The following ZMAT4 variants were observed in gnomAD, a reference collection of about 807,000 sequenced individuals.
ZMAT4 encodes zinc finger matrin-type 4, also known as zinc finger matrin-type protein 4.
Under a neutral mutation model 28.7 loss-of-function variants are expected in ZMAT4, and 17 were observed. That is an observed-to-expected ratio of 0.59 (90% confidence interval 0.41 to 0.89). The LOEUF is 0.89. Among genes scored for constraint, ZMAT4 ranks in the 40% least tolerant of loss-of-function variants. The pLI, the probability that ZMAT4 is intolerant of heterozygous loss-of-function variation, is 0.00. For missense variants in ZMAT4, 240 were observed against 283.8 expected (o/e 0.85, Z 1.11); for synonymous variants, 117 against 109.2 (o/e 1.07, Z -0.44).
intron 4 of ZMAT4, among the ~76,000 whole-genome samples, chr8:40,686,057 G>A (rs1376276560): frequency 6.6e-6 from 1 of 152,176 alleles, no homozygotes. Flanking sequence ...ATATAGTCAT[G>A]TTTCATTCAT....
chr8:40,837,967 T>C (rs1816558482), intron 1 of ZMAT4, among the ~76,000 whole-genome samples: 1 of 152,240 alleles, frequency 6.6e-6, no homozygotes, highest in Admixed American at 6.5e-5. Context: ...TTGCAGAATC[T>C]GCTTTGCCAT....
At chr8:40,763,654 T>C (rs1331368642) in intron 3 of ZMAT4, among the ~76,000 whole-genome samples, 2 of 152,228 alleles carry the variant, frequency 1.3e-5, no homozygotes, top group Non-Finnish European at 2.9e-5. Flanking sequence ...ATCTCAGGTC[T>C]GACCACTTTG....
intron 4 of ZMAT4, among the ~76,000 whole-genome samples, chr8:40,688,545 A>G (rs1257251137): frequency 6.6e-6 from 1 of 152,178 alleles, no homozygotes; most frequent in Non-Finnish European, 1.5e-5. Context: ...TGGTACCTCA[A>G]GATGGCCAAA....
At chr8:40,601,563 GAAGAAAGAAAGAAAGAAAGAAAGA>G (rs1339134333) in intron 5 of ZMAT4, among the ~76,000 whole-genome samples, 9 of 118,594 alleles carry the variant, frequency 7.6e-5, no homozygotes, top group African/African-American at 3.0e-4. Context: ...AAGAAAGAAA[GAAGAAAGAAAGAAAGAAAGAAAGA>G]AAGAAAGAAA....
intron 3 of ZMAT4, among the ~76,000 whole-genome samples, chr8:40,756,007 A>G (rs1448393592): frequency 6.6e-6 from 1 of 152,072 alleles, no homozygotes; most frequent in African/African-American, 2.4e-5. Context: ...TAACTGGACT[A>G]TAGAAGTTGC....
chr8:40,736,461 C>T (rs897988044), intron 3 of ZMAT4, among the ~76,000 whole-genome samples: 1 of 152,214 alleles, frequency 6.6e-6, no homozygotes, highest in Non-Finnish European at 1.5e-5. Context: ...TCTCATGATT[C>T]TCATTCATTC....
Position 40,801,657 on chromosome 8 carries a change from C to T in ZMAT4, c.102+23918G>A, listed in dbSNP as rs575976637. Among the ~76,000 whole-genome samples, 36 of 151,788 alleles carry T rather than the reference C, an allele frequency of 2.4e-4. 1 individual carries two copies. In the South Asian group the frequency reaches 4.4e-3, roughly 18 times the overall value. On this transcript the variant is annotated intron_variant, in intron 2 of 6. Coordinates refer to ENST00000297737, the MANE Select transcript of ZMAT4 (RefSeq NM_024645.3). ...TGAACTCCAGCCTGGGCAACAAGAG[C>T]GAAACTCTGTCTTAAAAAAATAATA...
chr8:40,597,073 G>GGGAT (rs1156744642), intron 5 of ZMAT4, among the ~76,000 whole-genome samples: 9 of 152,110 alleles, frequency 5.9e-5, no homozygotes, highest in South Asian at 2.1e-4. Context: ...GTGAGATATG[G>GGGAT]GGATGGATGG....
intron 3 of ZMAT4, among the ~76,000 whole-genome samples, chr8:40,730,609 G>A (rs949787990): frequency 2.0e-5 from 3 of 152,126 alleles, no homozygotes; most frequent in Non-Finnish European, 4.4e-5. Context: ...TTGCCCCAAA[G>A]GATTCAGATC....
intron 1 of ZMAT4, among the ~76,000 whole-genome samples, chr8:40,860,493 C>T (rs1817450692): frequency 1.3e-5 from 2 of 152,192 alleles, no homozygotes; most frequent in Admixed American, 1.3e-4. Flanking sequence ...TGGACAACAG[C>T]AATATTCCTT....
chr8:40,735,353 A>AT (rs1413944763), intron 3 of ZMAT4, among the ~76,000 whole-genome samples: 1 of 152,124 alleles, frequency 6.6e-6, no homozygotes, highest in Non-Finnish European at 1.5e-5. Context: ...TATACTCAAT[A>AT]TTTTCTCTTT....
intron 3 of ZMAT4, among the ~76,000 whole-genome samples, chr8:40,720,988 T>G (rs1177973722): frequency 6.6e-6 from 1 of 151,744 alleles, no homozygotes; most frequent in African/African-American, 2.4e-5. Context: ...TTGTTTGTTT[T>G]TTATTATACT....
At chr8:40,554,685 C>A (rs1303672643) in intron 6 of ZMAT4, among the ~76,000 whole-genome samples, 1 of 152,016 alleles carries the variant, frequency 6.6e-6, no homozygotes, top group Non-Finnish European at 1.5e-5. Context: ...TTAATTGATG[C>A]ATAGTATTTT....
At chr8:40,562,896 A>G (rs924759217) in intron 6 of ZMAT4, among the ~76,000 whole-genome samples, 1 of 152,104 alleles carries the variant, frequency 6.6e-6, no homozygotes, top group African/African-American at 2.4e-5. Flanking sequence ...AAAAGTGTTG[A>G]CTTCTCTTCC....
intron 5 of ZMAT4, among the ~76,000 whole-genome samples, chr8:40,642,586 A>G (rs1807087484): frequency 6.6e-6 from 1 of 152,216 alleles, no homozygotes; most frequent in Non-Finnish European, 1.5e-5. Flanking sequence ...CCTAATACAC[A>G]GGTATGTTCT....
At chr8:40,726,723 T>G (rs1811330321) in intron 3 of ZMAT4, among the ~76,000 whole-genome samples, 1 of 152,228 alleles carries the variant, frequency 6.6e-6, no homozygotes, top group Non-Finnish European at 1.5e-5. Context: ...CACTCACTTA[T>G]GTAGTCTCAG....
At chr8:40,636,423 G>C (rs1005921176) in intron 5 of ZMAT4, among the ~76,000 whole-genome samples, 21 of 152,176 alleles carry the variant, frequency 1.4e-4, no homozygotes, top group Admixed American at 2.0e-4. Flanking sequence ...TTTAGCCAGT[G>C]CTCAATTTAT....
chr8:40,612,851 C>A (rs1416242110), intron 5 of ZMAT4, among the ~76,000 whole-genome samples: 1 of 75,938 alleles, frequency 1.3e-5, no homozygotes, highest in Non-Finnish European at 3.6e-5. Context: ...TTGCTCTTGT[C>A]CCCCAGGCTG....
intron 1 of ZMAT4, among the ~76,000 whole-genome samples, chr8:40,862,094 C>T (rs1192342691): frequency 1.3e-5 from 2 of 152,170 alleles, no homozygotes; most frequent in African/African-American, 4.8e-5. Flanking sequence ...GATTATAAAT[C>T]ATGCTGCTAT....
Sources: gnomAD v4.1 joint callset for allele counts (sites outside exome capture counted in the v4.1 genomes callset) on GRCh38, gnomAD v4.1.1 for gene constraint, MANE v1.5 for transcripts, NCBI Gene and HGNC (gene_info 2026-07-23, HGNC 2026-07-21) for gene names.